The following CEP112 variants were observed in gnomAD, a reference collection of about 807,000 sequenced individuals.
CEP112 encodes centrosomal protein 112, also known as centrosomal protein of 112 kDa.
CEP112 carries 127 observed loss-of-function variants against 153.0 expected under a neutral mutation model. That is an observed-to-expected ratio of 0.83 (90% confidence interval 0.72 to 0.96). CEP112 has a LOEUF of 0.96. CEP112 is among the 40% of genes least tolerant of loss of function. CEP112 has a pLI of 0.00. For synonymous variants in CEP112, 358 were observed against 374.4 expected (o/e 0.96, Z 0.51); for missense variants, 1,089 against 1,101.2 (o/e 0.99, Z 0.16).
intron 3 of CEP112, among the ~76,000 whole-genome samples, chr17:66,176,034 G>A (rs926299148): frequency 1.1e-4 from 17 of 152,126 alleles, no homozygotes; most frequent in African/African-American, 4.1e-4. Flanking sequence ...AAATGACATA[G>A]TCATTAAAAC....
chr17:65,806,472 A>G (rs2055605218), intron 21 of CEP112, among the ~76,000 whole-genome samples: 1 of 152,234 alleles, frequency 6.6e-6, no homozygotes, highest in African/African-American at 2.4e-5. Flanking sequence ...TGATTAGATC[A>G]TGAGGGCTCT....
In CEP112 at chr17:66,049,856, T is replaced by C. The variant is rs1452822748; in HGVS notation, c.1218+3880A>G. On this transcript the variant is annotated intron_variant, in intron 12 of 26. Transcript: ENST00000535342. ...AGCAGGAGTAACTCTACCAAAGAAT[T>C]AACTGATGAGAGTAAAAACAGAATG... is the stretch of plus-strand genomic sequence containing the variant. Among the ~76,000 whole-genome samples, 4 of 151,982 alleles carry C rather than the reference T, an allele frequency of 2.6e-5. No individual in the cohort carries two copies. In the East Asian group the frequency reaches 7.7e-4, roughly 29 times the overall value.
chr17:65,984,288 A>G (rs1462629417), intron 17 of CEP112, among the ~76,000 whole-genome samples: 2 of 152,236 alleles, frequency 1.3e-5, no homozygotes, highest in Non-Finnish European at 2.9e-5. Flanking sequence ...GACTTCTAAT[A>G]TAACCAATCA....
At chr17:65,981,107 C>G (rs951560955) in intron 17 of CEP112, among the ~76,000 whole-genome samples, 1 of 152,100 alleles carries the variant, frequency 6.6e-6, no homozygotes, top group Non-Finnish European at 1.5e-5. Flanking sequence ...TGAGCCACCA[C>G]GCCCGGCCAT....
At chr17:65,795,402 A>G (rs2054853164) in intron 21 of CEP112, among the ~76,000 whole-genome samples, 2 of 152,236 alleles carry the variant, frequency 1.3e-5, no homozygotes. Flanking sequence ...CCTGAGGCTC[A>G]GTGAGTTTAA....
intron 6 of CEP112, among the ~76,000 whole-genome samples, chr17:66,119,283 T>C (rs1568511656): frequency 6.6e-6 from 1 of 152,098 alleles, no homozygotes; most frequent in Non-Finnish European, 1.5e-5. Flanking sequence ...CAGCAAACCA[T>C]CATGGCACAC....
intron 24 of CEP112, among the ~76,000 whole-genome samples, chr17:65,662,162 T>A (rs1382635465): frequency 3.1e-4 from 47 of 152,104 alleles, no homozygotes; most frequent in Non-Finnish European, 5.9e-5. Flanking sequence ...AGAGACTGGG[T>A]TTTACCATGT....
intron 6 of CEP112, among the ~76,000 whole-genome samples, chr17:66,104,661 G>A (rs2068705268): frequency 6.6e-6 from 1 of 152,156 alleles, no homozygotes; most frequent in African/African-American, 2.4e-5. Context: ...GTAGGGAAGA[G>A]CACCAAGCAG....
chr17:65,893,795 T>C (rs574609870), intron 20 of CEP112, among the ~76,000 whole-genome samples: 1 of 152,130 alleles, frequency 6.6e-6, no homozygotes, highest in Non-Finnish European at 1.5e-5. Flanking sequence ...ATTTTTGTCA[T>C]GAAAAAAGCT....
chr17:66,018,838 T>C (rs2064879613), intron 16 of CEP112, among the ~76,000 whole-genome samples: 1 of 152,200 alleles, frequency 6.6e-6, no homozygotes, highest in African/African-American at 2.4e-5. Flanking sequence ...AGAACGTAGG[T>C]GCTTAACATA....
chr17:65,809,687 C>T (rs974422962), intron 21 of CEP112, among the ~76,000 whole-genome samples: 1 of 152,126 alleles, frequency 6.6e-6, no homozygotes, highest in South Asian at 2.1e-4. Flanking sequence ...AAGTGCCAGA[C>T]ATCTATTAGA....
chr17:65,828,614 G>A (rs891891816), intron 21 of CEP112, among the ~76,000 whole-genome samples: 5 of 152,088 alleles, frequency 3.3e-5, no homozygotes, highest in Non-Finnish European at 7.3e-5. Flanking sequence ...TTTCTCCACT[G>A]CATTATGGGG....
intron 8 of CEP112, among the ~76,000 whole-genome samples, chr17:66,074,178 C>T (rs1598295888): frequency 1.3e-5 from 2 of 151,682 alleles, no homozygotes; most frequent in East Asian, 1.9e-4. Flanking sequence ...ATTCCAGAAT[C>T]GAAAAGTGCA....
intron 16 of CEP112, among the ~76,000 whole-genome samples, chr17:66,018,353 G>A (rs2064857969): frequency 6.6e-6 from 1 of 152,010 alleles, no homozygotes. Flanking sequence ...ATCACAAAAG[G>A]AATATTGTGT....
chr17:66,134,131 T>A (rs2070327833), intron 4 of CEP112, among the ~76,000 whole-genome samples: 1 of 152,120 alleles, frequency 6.6e-6, no homozygotes, highest in South Asian at 2.1e-4. Context: ...ATAGATTAAA[T>A]AATCATAAAA....
rs562102201 is a variant in CEP112 at position 65,841,287 on chromosome 17, C to T, written c.2394+10517G>A. Among the ~76,000 whole-genome samples, 29 of 151,874 alleles carry T rather than the reference C, an allele frequency of 1.9e-4. No individual in the cohort carries two copies. The East Asian group carries it at 3.3e-3, about 17-fold the overall frequency. On this transcript the variant is annotated intron_variant, in intron 21 of 26. Coordinates refer to ENST00000535342, the MANE Select transcript of CEP112 (RefSeq NM_001199165.4). ...CAAAGGGGTGGAGAAAGAAAATGTG[C>T]GATATATACACAACAGAGTATGACT...
chr17:65,742,955 C>T, intron 23 of CEP112, 113 bp downstream of exon 23: 13 of 748,296 alleles, frequency 1.7e-5, no homozygotes, highest in Non-Finnish European at 2.7e-5. Flanking sequence ...TTACTGCAGG[C>T]TGTGTGAACA....
At chr17:65,936,686 ATG>A (rs927286376) in intron 18 of CEP112, among the ~76,000 whole-genome samples, 2 of 54,920 alleles carry the variant, frequency 3.6e-5, no homozygotes, top group African/African-American at 4.6e-5. Context: ...TAAAAACCAC[ATG>A]ATTATCTCAA....
intron 21 of CEP112, among the ~76,000 whole-genome samples, chr17:65,760,160 C>T (rs757101108): frequency 9.2e-5 from 14 of 152,098 alleles, no homozygotes; most frequent in African/African-American, 2.4e-4. Flanking sequence ...AAGAGTTTGT[C>T]GATTCTTTTG....
Sources: gnomAD v4.1 joint callset for allele counts (sites outside exome capture counted in the v4.1 genomes callset) on GRCh38, gnomAD v4.1.1 for gene constraint, MANE v1.5 for transcripts, NCBI Gene and HGNC (gene_info 2026-07-23, HGNC 2026-07-21) for gene names.